ZNF577: variants seen among roughly 807,000 people sequenced by gnomAD.
ZNF577 encodes zinc finger protein 577.
ZNF577 carries 14 observed loss-of-function variants against 13.9 expected under a neutral mutation model. The observed-to-expected ratio is 1.00, with a 90% CI of 0.66 to 1.57. The LOEUF (loss-of-function observed/expected upper bound fraction) is 1.57. ZNF577 is among the 40% of genes most tolerant of loss of function. The pLI is 0.00. For missense variants in ZNF577, 555 were observed against 579.2 expected, an observed-to-expected ratio of 0.96 and a Z score of 0.43; for synonymous variants, 203 against 202.9, an observed-to-expected ratio of 1.00 and a Z score of 0.00.
At chr19:51,833,838 T>C (rs1476350287) in intron 9 of ZNF577, among the ~76,000 whole-genome samples, 1 of 152,198 alleles carries the variant, frequency 6.6e-6, no homozygotes, top group Non-Finnish European at 1.5e-5. Flanking sequence ...ATGGTTTAGA[T>C]TAACAGTTAG....
chr19:51,813,119 A>AACACACACACAC lies in ZNF577; in HGVS notation c.*600-1457_*600-1446dup, dbSNP rs35245083. ...GGGTGACAGAGTGATGCTCTGTCTC[A>AACACACACACAC]ACACACACACACACACACACACACA... On this transcript the variant is annotated intron_variant and NMD_transcript_variant, in intron 9 of 10. Transcript: ENST00000638827. Among the ~76,000 whole-genome samples the AACACACACACAC allele has an allele frequency of 1.3e-3, 179 of 137,206 alleles. 1 individual carries two copies. Among genetic ancestry groups the AACACACACACAC allele is most frequent in the Admixed American group, 2.6e-3 (35 of 13,580 alleles). The allele number at this position is 137,206 out of a possible 152,430, so 90.0% of individuals were successfully genotyped here.
At chr19:51,859,316 A>G (rs1267851801) in intron 5 of ZNF577, among the ~76,000 whole-genome samples, 1 of 152,160 alleles carries the variant, frequency 6.6e-6, no homozygotes, top group Non-Finnish European at 1.5e-5. Context: ...TTCATGGACA[A>G]ATATTTGGTT....
rs553351178 is a variant in ZNF577 at position 51,824,085 on chromosome 19, G to A, written c.*600-12411C>T. 3 of 1,614,170 alleles carry A rather than the reference G, an allele frequency of 1.9e-6. No homozygotes were observed. In the South Asian group the frequency reaches 3.3e-5, roughly 18 times the overall value. On this transcript the variant is annotated intron_variant and NMD_transcript_variant, in intron 9 of 10. Coordinates refer to the ZNF577 transcript ENST00000638827. This position sits in a 1 kb window ranked among gnomAD's most constrained non-coding sequence, Gnocchi z 4.7. Reference sequence around the variant, plus strand: ...GATAGACATCAACCTGTTTGTCAGTGTCTACCTGATCACCATCATTGCTCT... The same window carrying A: ...GATAGACATCAACCTGTTTGTCAGTATCTACCTGATCACCATCATTGCTCT...
intron 9 of ZNF577, among the ~76,000 whole-genome samples, chr19:51,829,550 T>A (rs1045552518): frequency 6.6e-6 from 1 of 152,206 alleles, no homozygotes; most frequent in African/African-American, 2.4e-5. Flanking sequence ...AAGGTTTGCA[T>A]CCTTTTCCTA....
intron 9 of ZNF577, among the ~76,000 whole-genome samples, chr19:51,818,914 TG>T (rs2084166553): frequency 6.6e-6 from 1 of 152,222 alleles, no homozygotes; most frequent in African/African-American, 2.4e-5. Context: ...TGTCTGTGTC[TG>T]GATTTTAGCA....
chr19:51,882,993 AT>A (rs536929212), intron 1 of ZNF577, among the ~76,000 whole-genome samples: 23,100 of 132,912 alleles, frequency 0.17, 1,690 homozygotes, highest in South Asian at 0.37. Context: ...TTTAAAAAAA[AT>A]TTTTTTTTTT....
chr19:51,845,427 T>C (rs920532890), intron 5 of ZNF577, among the ~76,000 whole-genome samples: 2 of 151,834 alleles, frequency 1.3e-5, no homozygotes, highest in Admixed American at 6.6e-5. Flanking sequence ...AGGTGGAGGT[T>C]ATGGTCAGCG....
chr19:51,880,252 G>A (rs1337180957), intron 3 of ZNF577, 71 bp downstream of exon 3: 10 of 1,470,330 alleles, frequency 6.8e-6, no homozygotes, highest in South Asian at 3.5e-5. Flanking sequence ...TGACTTTGAG[G>A]ATACCGTCAA....
At chr19:51,878,299 A>G (rs12151288) in intron 4 of ZNF577, 90 bp downstream of exon 4, 336,875 of 1,340,738 alleles carry the variant, frequency 0.25, 47,404 homozygotes, top group African/African-American at 0.49. Flanking sequence ...AACATATAAT[A>G]CTTTAGTCTA....
downstream of ZNF577, chr19:51,863,175 A>G (rs2084522631): frequency 6.6e-6 from 1 of 152,210 alleles, no homozygotes; most frequent in Non-Finnish European, 1.5e-5. Flanking sequence ...TGTTTCCTGC[A>G]TGAGTTCTCT....
intron 10 of ZNF577, among the ~76,000 whole-genome samples, chr19:51,806,155 C>A (rs1220776197): frequency 2.0e-5 from 3 of 152,162 alleles, no homozygotes. Context: ...TCCAGTCGGC[C>A]TTCTCTCCAT....
chr19:51,843,911 T>C (rs745440197), intron 6 of ZNF577, among the ~76,000 whole-genome samples: 17 of 152,182 alleles, frequency 1.1e-4, no homozygotes, highest in Non-Finnish European at 2.1e-4. Flanking sequence ...CTGTATTAAA[T>C]ACCATTCTGC....
At chr19:51,832,845 G>C (rs1408006810) in intron 9 of ZNF577, among the ~76,000 whole-genome samples, 1 of 152,056 alleles carries the variant, frequency 6.6e-6, no homozygotes, top group Non-Finnish European at 1.5e-5. Flanking sequence ...TCAATATTGT[G>C]TGTGGATCTA....
chr19:51,831,887 G>T (rs10418258), intron 9 of ZNF577, among the ~76,000 whole-genome samples: 2,601 of 152,198 alleles, frequency 0.017, 58 homozygotes, highest in African/African-American at 0.052. Flanking sequence ...GTCCTGCTTG[G>T]AATATTCTTC....
At chr19:51,816,305 T>C (rs1382613022) in intron 9 of ZNF577, among the ~76,000 whole-genome samples, 1 of 152,204 alleles carries the variant, frequency 6.6e-6, no homozygotes, top group Non-Finnish European at 1.5e-5. Flanking sequence ...TGGAGTACAG[T>C]GGCATGATCT....
chr19:51,848,241 G>C (rs775631387), intron 5 of ZNF577, among the ~76,000 whole-genome samples: 3 of 152,136 alleles, frequency 2.0e-5, no homozygotes, highest in Non-Finnish European at 2.9e-5. Flanking sequence ...AGAACACACC[G>C]AAACAGAAAA....
chr19:51,822,960 T>C (rs1455198554), intron 9 of ZNF577, among the ~76,000 whole-genome samples: 2 of 152,108 alleles, frequency 1.3e-5, no homozygotes, highest in Non-Finnish European at 2.9e-5. Flanking sequence ...CCTCCCAGGT[T>C]CAAGCAATTC....
At position 51,873,454 on chromosome 19, in the gene ZNF577, G is replaced by C. The variant is rs1327615372; in HGVS notation, c.536C>G (p.Thr179Ser). 6.2e-7 allele frequency: 1 copy of C among 1,614,068 alleles called. No homozygotes were observed. The highest frequency in any genetic ancestry group is 1.7e-5 in the Admixed American group (1 of 60,016). ...RKAQLIQHQR[T>S]ERGEKPHGCG... ...TCCATGGGGTTTCTCTCCTCTTTCAGTTCTCTGATGTTGAATAAGCTGTGC... is the reference window on the plus strand; with the variant it reads ...TCCATGGGGTTTCTCTCCTCTTTCACTTCTCTGATGTTGAATAAGCTGTGC... The change falls in exon 6 of 6, where the codon ACT (threonine) becomes AGT (serine). Residue 179 changes from threonine to serine, a missense_variant. By Grantham distance (58) the Thr-to-Ser change is moderately conservative. Transcript: ENST00000638348.
In ZNF577 at chr19:51,814,938, T is replaced by C. The variant is rs139877795; in HGVS notation, c.*600-3264A>G. ...GATTCTCCTGCCCCAGCCTCCAAAG[T>C]AGCTGGGACTACAGCCGCCTGCCAC... On this transcript the variant is annotated intron_variant and NMD_transcript_variant, in intron 9 of 10. Coordinates refer to the ZNF577 transcript ENST00000638827. Among the ~76,000 whole-genome samples the C allele has an allele frequency of 1.9e-3, 285 of 152,014 alleles. 10 individuals are homozygous for C. The East Asian group carries it at 0.043, about 23-fold the overall frequency.
Sources: gnomAD v4.1 joint callset for allele counts (sites outside exome capture counted in the v4.1 genomes callset) on GRCh38, gnomAD v4.1.1 for gene constraint, Gnocchi (gnomAD v3.1) non-coding constraint, MANE v1.5 for transcripts, NCBI Gene and HGNC (gene_info 2026-07-23, HGNC 2026-07-21) for gene names.